The following PDE4B variants were observed in gnomAD, a reference collection of about 807,000 sequenced individuals.
PDE4B encodes the protein phosphodiesterase 4B, also known as 3',5'-cyclic-AMP phosphodiesterase 4B.
PDE4B carries 20 observed loss-of-function variants against 82.2 expected under a neutral mutation model. The ratio of observed to expected loss-of-function variants is 0.24; its 90% CI spans 0.17 to 0.35. The LOEUF (loss-of-function observed/expected upper bound fraction) is 0.35. Among genes scored for constraint, PDE4B ranks in the 10% least tolerant of loss-of-function variants. PDE4B has a pLI of 1.00. For missense variants in PDE4B, 655 were observed against 907.2 expected (o/e 0.72, Z 3.57); for synonymous variants, 320 against 318.9 (o/e 1.00, Z -0.04).
At chr1:65,892,588 C>T (rs1012730550) in intron 1 of PDE4B, among the ~76,000 whole-genome samples, 4 of 152,014 alleles carry the variant, frequency 2.6e-5, no homozygotes, top group African/African-American at 9.7e-5. Flanking sequence ...TGCATCTGTA[C>T]CCACCCTAAC....
At chr1:66,194,264 C>T (rs543263050) in intron 3 of PDE4B, among the ~76,000 whole-genome samples, 2 of 152,222 alleles carry the variant, frequency 1.3e-5, no homozygotes, top group South Asian at 4.1e-4. Flanking sequence ...CTACCCAAGT[C>T]TTCATCTTCT....
intron 3 of PDE4B, among the ~76,000 whole-genome samples, chr1:66,060,015 G>T (rs752620204): frequency 6.6e-5 from 10 of 152,146 alleles, no homozygotes; most frequent in Non-Finnish European, 5.9e-5. Flanking sequence ...CAGTTTTTAA[G>T]TAAGTCATTC....
rs1557553437 is a variant in PDE4B, at chr1:66,090,647, GTA to G, written c.282-156805_282-156804del. ...TGTGTGTGTGTGTGTGTGTATGTAC[GTA>G]TATATATGTATGTATATATGTGTAT... On this transcript the variant is annotated intron_variant, in intron 3 of 16. Coordinates refer to ENST00000341517, the MANE Select transcript of PDE4B (RefSeq NM_002600.4). Among the ~76,000 whole-genome samples, 249 of 68,106 alleles carry G rather than the reference GTA, an allele frequency of 3.7e-3. 1 individual carries two copies. Among genetic ancestry groups the G allele is most frequent in the African/African-American group, 0.018 (232 of 12,870 alleles). The allele number at this position is 68,106 out of a possible 152,430, so 44.7% of individuals were successfully genotyped here. A position where few individuals can be genotyped will look rare whatever the true frequency, so the allele number is the denominator to read the frequency against.
intron 7 of PDE4B, among the ~76,000 whole-genome samples, chr1:66,276,236 C>T (rs989428595): frequency 6.6e-6 from 1 of 152,196 alleles, no homozygotes; most frequent in Non-Finnish European, 1.5e-5. Flanking sequence ...ACCTAATTCT[C>T]CAAACTAAAC....
At chr1:66,141,096 T>A (rs1364302133) in intron 3 of PDE4B, among the ~76,000 whole-genome samples, 1 of 152,016 alleles carries the variant, frequency 6.6e-6, no homozygotes, top group East Asian at 1.9e-4. Context: ...TGCATTTGTA[T>A]GTGTATGTGT....
At chr1:65,938,191 A>C (rs1182654847) in intron 3 of PDE4B, among the ~76,000 whole-genome samples, 1 of 152,100 alleles carries the variant, frequency 6.6e-6, no homozygotes, top group South Asian at 2.1e-4. Flanking sequence ...ACTGGTGCCC[A>C]TGGGGAAGTT....
chr1:66,276,403 T>G (rs1419661667), intron 7 of PDE4B, among the ~76,000 whole-genome samples: 1 of 152,234 alleles, frequency 6.6e-6, no homozygotes, highest in African/African-American at 2.4e-5. Flanking sequence ...CTCTGCAGTC[T>G]AAACCACACT....
At chr1:66,255,244 C>T (rs936594931) in intron 4 of PDE4B, among the ~76,000 whole-genome samples, 1 of 152,030 alleles carries the variant, frequency 6.6e-6, no homozygotes, top group African/African-American at 2.4e-5. Context: ...ACCACCACAC[C>T]CAGCTAATTT....
rs186293479 is a variant in PDE4B, at chr1:66,225,256, C to A, written c.282-22204C>A. 7.0e-4 allele frequency among the ~76,000 whole-genome samples: 107 copies of A among 152,286 alleles called. 1 individual carries two copies. The highest frequency in any genetic ancestry group is 1.3e-3 in the Non-Finnish European group (87 of 68,022). On this transcript the variant is annotated intron_variant, in intron 3 of 16. Coordinates refer to ENST00000341517, the MANE Select transcript of PDE4B (RefSeq NM_002600.4). ...AAAAGTTGTTTTTATTTTCTCACCC[C>A]CCGTTCTCACCTCAACTCACTTCAG...
chr1:65,987,678 T>A (rs11585157), intron 3 of PDE4B, among the ~76,000 whole-genome samples: 8,441 of 152,250 alleles, frequency 0.055, 303 homozygotes, highest in Middle Eastern at 0.2. Context: ...AATGGCACAA[T>A]CTCTGCTCAC....
At chr1:66,249,580 G>A (rs572182079) in intron 4 of PDE4B, among the ~76,000 whole-genome samples, 9 of 152,230 alleles carry the variant, frequency 5.9e-5, no homozygotes, top group African/African-American at 2.2e-4. Context: ...AAAAAGAGGT[G>A]TAGTTCTAAA....
At chr1:66,368,228 A>G in intron 15 of PDE4B, 163 bp downstream of exon 15, 1 of 608,344 alleles carries the variant, frequency 1.6e-6, no homozygotes, top group East Asian at 2.9e-5. Flanking sequence ...TGGACATTCA[A>G]GTTTATCTTC....
chr1:66,347,304 A>G (rs2101976013), intron 8 of PDE4B, among the ~76,000 whole-genome samples: 2 of 152,310 alleles, frequency 1.3e-5, no homozygotes, highest in South Asian at 4.1e-4. Flanking sequence ...ACCTTTTTTA[A>G]TAGGATAAAA....
chr1:65,896,012 G>T (rs1464488867), intron 1 of PDE4B, among the ~76,000 whole-genome samples: 8 of 150,722 alleles, frequency 5.3e-5, no homozygotes, highest in Non-Finnish European at 7.4e-5. Context: ...TGAATAGGAA[G>T]ATTTTCTGTA....
chr1:66,335,161 C>T (rs796152784), intron 8 of PDE4B, among the ~76,000 whole-genome samples: 2 of 152,222 alleles, frequency 1.3e-5, no homozygotes, highest in African/African-American at 4.8e-5. Flanking sequence ...CAGTGTAAAT[C>T]TCTGAGTTGC....
chr1:66,226,811 C>T (rs891256331), intron 3 of PDE4B, among the ~76,000 whole-genome samples: 1 of 152,060 alleles, frequency 6.6e-6, no homozygotes, highest in Admixed American at 6.5e-5. Context: ...TTAAAGTTTA[C>T]TCTGATTACT....
At chr1:66,025,438 A>G (rs910725985) in intron 3 of PDE4B, among the ~76,000 whole-genome samples, 1 of 152,190 alleles carries the variant, frequency 6.6e-6, no homozygotes, top group Non-Finnish European at 1.5e-5. Context: ...TAACTCATAG[A>G]GTATAAATCT....
At chr1:65,993,749 A>G (rs563874520) in intron 3 of PDE4B, among the ~76,000 whole-genome samples, 15 of 152,140 alleles carry the variant, frequency 9.9e-5, no homozygotes, top group Non-Finnish European at 2.1e-4. Flanking sequence ...GTTATCTTTA[A>G]GAGCTTCTTT....
intron 1 of PDE4B, among the ~76,000 whole-genome samples, chr1:65,826,620 C>T (rs1191041608): frequency 6.6e-6 from 1 of 152,014 alleles, no homozygotes; most frequent in Non-Finnish European, 1.5e-5. Context: ...TGGACAAATG[C>T]CTTAATCTGC....
Sources: gnomAD v4.1 joint callset for allele counts (sites outside exome capture counted in the v4.1 genomes callset) on GRCh38, gnomAD v4.1.1 for gene constraint, MANE v1.5 for transcripts, NCBI Gene and HGNC (gene_info 2026-07-23, HGNC 2026-07-21) for gene names.